The following ST18 variants were observed in gnomAD, a reference collection of about 807,000 sequenced individuals.
ST18 encodes the protein ST18 C2H2C-type zinc finger transcription factor, also known as suppression of tumorigenicity 18 protein.
Under a neutral mutation model 110.0 loss-of-function variants are expected in ST18, and 50 were observed. That is an observed-to-expected ratio of 0.45 (90% CI 0.36 to 0.58). The LOEUF is 0.58. ST18 is among the 20% of genes least tolerant of loss of function. The pLI is 0.00. For missense variants in ST18, 1,306 were observed against 1,280.1 expected (o/e 1.02, Z -0.31); for synonymous variants, 461 against 452.4 (o/e 1.02, Z -0.24).
At chr8:52,229,555 A>G (rs1315697884) in intron 3 of ST18, 1 of 152,158 alleles carries the variant, frequency 6.6e-6, no homozygotes, top group Non-Finnish European at 1.5e-5. Context: ...TCCTGCTCAC[A>G]TCTCATCTCC....
intron 3 of ST18, among the ~76,000 whole-genome samples, chr8:52,229,458 C>A (rs904443459): frequency 1.3e-5 from 2 of 152,172 alleles, no homozygotes; most frequent in African/African-American, 4.8e-5. Context: ...AACTGAGAGC[C>A]ATTCCCAGCT....
intron 2 of ST18, among the ~76,000 whole-genome samples, chr8:52,352,505 C>A (rs1820830869): frequency 6.6e-6 from 1 of 152,180 alleles, no homozygotes; most frequent in Non-Finnish European, 1.5e-5. Flanking sequence ...CTCTTCTCTG[C>A]ATATTTATGA....
intron 3 of ST18, among the ~76,000 whole-genome samples, chr8:52,227,588 T>C (rs1265764808): frequency 1.3e-5 from 2 of 152,226 alleles, no homozygotes; most frequent in African/African-American, 2.4e-5. Context: ...CATATTTTTA[T>C]ATAGTTACAA....
chr8:52,242,673 T>TGGTTTAGTAGA (rs1218568869), intron 2 of ST18, among the ~76,000 whole-genome samples: 1 of 152,018 alleles, frequency 6.6e-6, no homozygotes, highest in Non-Finnish European at 1.5e-5. Flanking sequence ...CGAAAACCCA[T>TGGTTTAGTAGA]GGTTTAGTAG....
intron 22 of ST18, among the ~76,000 whole-genome samples, chr8:52,130,437 T>C (rs2049118209): frequency 6.6e-6 from 1 of 152,106 alleles, no homozygotes; most frequent in Non-Finnish European, 1.5e-5. Flanking sequence ...ACCACAGGCA[T>C]GTACCACCAT....
intron 2 of ST18, among the ~76,000 whole-genome samples, chr8:52,298,264 C>T (rs770372183): frequency 3.3e-5 from 5 of 152,128 alleles, no homozygotes; most frequent in East Asian, 1.9e-4. Flanking sequence ...AATCTGTGTG[C>T]GCAGGAAGAG....
chr8:52,409,012 T>A (rs1052004470), intron 2 of ST18: 2 of 152,246 alleles, frequency 1.3e-5, no homozygotes, highest in Non-Finnish European at 2.9e-5. Context: ...ACTGTACAAG[T>A]AACATTTGCA....
At chr8:52,222,322 C>T (rs1013868802) in intron 3 of ST18, among the ~76,000 whole-genome samples, 2 of 152,144 alleles carry the variant, frequency 1.3e-5, no homozygotes, top group African/African-American at 4.8e-5. Flanking sequence ...TCAAAGGGCT[C>T]ATTTTCAACT....
chr8:52,116,985 T>C (rs917669499), intron 24 of ST18, among the ~76,000 whole-genome samples: 1 of 152,182 alleles, frequency 6.6e-6, no homozygotes, highest in Admixed American at 6.5e-5. Flanking sequence ...GATGAGCCTG[T>C]TAAAATGCAA....
At chr8:52,126,457 T>G (rs914438672) in intron 22 of ST18, among the ~76,000 whole-genome samples, 1 of 152,260 alleles carries the variant, frequency 6.6e-6, no homozygotes, top group Non-Finnish European at 1.5e-5. Context: ...TTAGTAGTGG[T>G]TACTTTATTT....
intron 8 of ST18, among the ~76,000 whole-genome samples, chr8:52,198,390 G>T (rs2076873018): frequency 6.6e-6 from 1 of 151,988 alleles, no homozygotes; most frequent in Non-Finnish European, 1.5e-5. Flanking sequence ...ATAAATATAG[G>T]CTCCTTTTTT....
At chr8:52,306,949 C>T (rs2095823290) in intron 2 of ST18, among the ~76,000 whole-genome samples, 1 of 151,960 alleles carries the variant, frequency 6.6e-6, no homozygotes, top group Non-Finnish European at 1.5e-5. Context: ...ATTTAATAGC[C>T]CAACTTTTAT....
Position 52,172,478 on chromosome 8 carries a change from T to A in ST18, c.383A>T (p.Lys128Met), listed in dbSNP as rs770872151. 2 of 1,613,714 alleles carry A rather than the reference T, an allele frequency of 1.2e-6. No individual in the cohort carries two copies. Among genetic ancestry groups the A allele is most frequent in the African/African-American group, 2.7e-5 (2 of 74,948 alleles). Reference sequence around the variant, plus strand: ...AAATTTCCCCAAGTGCATTAAAGACTTGACCATGAGCTCTTGATAACAAGA... The same window carrying A: ...AAATTTCCCCAAGTGCATTAAAGACATGACCATGAGCTCTTGATAACAAGA... ...RYSCYQELMV[K>M]SLMHLGKFEK... Residue 128 changes from lysine to methionine, a missense_variant, in exon 10 of 26, where the codon AAG becomes ATG. Lys to Met is a moderately conservative substitution (Grantham distance 95, BLOSUM62 -1). Coordinates refer to ENST00000689386, the MANE Select transcript of ST18 (RefSeq NM_001352837.2).
chr8:52,276,526 G>A (rs1337629543), intron 2 of ST18, among the ~76,000 whole-genome samples: 2 of 152,012 alleles, frequency 1.3e-5, no homozygotes, highest in Non-Finnish European at 2.9e-5. Context: ...GACATTCCAG[G>A]AGCCTATGTT....
chr8:52,162,037 CCT>C (rs1272048032), intron 13 of ST18, among the ~76,000 whole-genome samples: 2 of 152,094 alleles, frequency 1.3e-5, no homozygotes, highest in Admixed American at 6.5e-5. Context: ...TGGTGAAACC[CCT>C]GTCTCTACTA....
intron 2 of ST18, among the ~76,000 whole-genome samples, chr8:52,251,241 T>C (rs988240422): frequency 6.6e-6 from 1 of 152,194 alleles, no homozygotes; most frequent in Non-Finnish European, 1.5e-5. Flanking sequence ...TTGAAAACTT[T>C]ACTTACATTA....
At chr8:52,168,258 T>A (rs2063654417) in intron 10 of ST18, among the ~76,000 whole-genome samples, 1 of 146,540 alleles carries the variant, frequency 6.8e-6, no homozygotes, top group African/African-American at 2.5e-5. Flanking sequence ...GCACACTAGA[T>A]GCTGATAGTG....
At chr8:52,403,560 G>C (rs1843468799) in intron 2 of ST18, 1 of 152,240 alleles carries the variant, frequency 6.6e-6, no homozygotes, top group Non-Finnish European at 1.5e-5. Context: ...TAAGAGAATG[G>C]GGTGGCACAG....
chr8:52,219,189 T>C (rs2085644656), intron 5 of ST18, among the ~76,000 whole-genome samples: 1 of 152,170 alleles, frequency 6.6e-6, no homozygotes. Flanking sequence ...GATGTTTACC[T>C]GTCACACAAG....
Sources: allele counts gnomAD v4.1 joint callset (sites outside exome capture counted in the v4.1 genomes callset), GRCh38; gene constraint gnomAD v4.1.1; transcripts MANE v1.5; gene names NCBI Gene and HGNC (gene_info 2026-07-23, HGNC 2026-07-21).